SYTL2: variants seen among roughly 807,000 people sequenced by gnomAD.
The protein encoded by SYTL2 is synaptotagmin-like protein 2.
Under a neutral mutation model 198.7 loss-of-function variants are expected in SYTL2, and 165 were observed. That is an observed-to-expected ratio of 0.83 (90% confidence interval 0.73 to 0.94). The LOEUF (loss-of-function observed/expected upper bound fraction) is 0.94. SYTL2 is among the 40% of genes least tolerant of loss of function. The pLI, the probability that SYTL2 is intolerant of heterozygous loss-of-function variation, is 0.00. For synonymous variants in SYTL2, 966 were observed against 917.7 expected (o/e 1.05, Z -0.95); for missense variants, 2,835 against 2,582.8 (o/e 1.10, Z -2.12).
At position 85,694,752 on chromosome 11, in the gene SYTL2, C is replaced by G. The variant is rs1422237477; in HGVS notation, c.*443G>C. 6.6e-6 allele frequency: 1 copy of G among 152,444 alleles called. No homozygotes were observed. The highest frequency in any genetic ancestry group is 2.4e-5 in the African/African-American group (1 of 41,358). The allele number at this position is 152,444 out of a possible 1,614,324, so 9.4% of individuals were successfully genotyped here. Reference sequence around the variant, plus strand: ...TCATCACTGATGTCTGTCTCCATTCCCTGCTCCACTTTGAGTATCTTTCTG... The same window carrying G: ...TCATCACTGATGTCTGTCTCCATTCGCTGCTCCACTTTGAGTATCTTTCTG... On this transcript the variant is annotated 3_prime_UTR_variant, in exon 20 of 20. Coordinates refer to ENST00000359152, the MANE Select transcript of SYTL2 (RefSeq NM_206927.4).
chr11:85,825,366 C>T, the SYTL2 span, among the ~76,000 whole-genome samples: 3 of 126,430 alleles, frequency 2.4e-5, no homozygotes, highest in Non-Finnish European at 3.2e-5. Context: ...CCAGCCTGGG[C>T]GACAGAGCGA....
At chr11:85,728,646 T>G (rs1474283808) in intron 7 of SYTL2, among the ~76,000 whole-genome samples, 1 of 152,120 alleles carries the variant, frequency 6.6e-6, no homozygotes, top group African/African-American at 2.4e-5. Flanking sequence ...AAACTGACAC[T>G]CCAGGAAGAT....
the SYTL2 span, among the ~76,000 whole-genome samples, chr11:85,830,165 C>G: frequency 6.6e-6 from 1 of 152,196 alleles, no homozygotes; most frequent in Non-Finnish European, 1.5e-5. Context: ...TTTTTGAGTA[C>G]CACTCCGGAG....
intron 4 of SYTL2, among the ~76,000 whole-genome samples, chr11:85,745,044 G>A (rs558315948): frequency 1.3e-5 from 2 of 152,250 alleles, no homozygotes; most frequent in African/African-American, 4.8e-5. Context: ...GGCATTTACT[G>A]AGTATCTATC....
chr11:85,776,787 A>G (rs1228653082), intron 1 of SYTL2, among the ~76,000 whole-genome samples: 1 of 152,246 alleles, frequency 6.6e-6, no homozygotes, highest in Non-Finnish European at 1.5e-5. Context: ...GCTGGGTCAA[A>G]TGATATTTCT....
intron 1 of SYTL2, among the ~76,000 whole-genome samples, chr11:85,777,053 T>A (rs897408254): frequency 4.6e-5 from 7 of 152,178 alleles, no homozygotes; most frequent in African/African-American, 1.4e-4. Flanking sequence ...GAAGACAGCA[T>A]AGTACAGCTT....
chr11:85,806,371 C>A (rs2153659111), intron 1 of SYTL2, among the ~76,000 whole-genome samples: 1 of 152,314 alleles, frequency 6.6e-6, no homozygotes, highest in East Asian at 1.9e-4. Flanking sequence ...AAAGTCCTAG[C>A]ACAGGTCCAA....
intron 1 of SYTL2, among the ~76,000 whole-genome samples, chr11:85,781,907 G>A (rs1193519921): frequency 1.3e-5 from 2 of 152,214 alleles, no homozygotes; most frequent in Admixed American, 1.3e-4. Flanking sequence ...GGCATTGAGT[G>A]TCTACAGCTT....
the SYTL2 span, among the ~76,000 whole-genome samples, chr11:85,827,358 T>C: frequency 6.6e-6 from 1 of 152,298 alleles, no homozygotes; most frequent in South Asian, 2.1e-4. Context: ...AGGGATCCCA[T>C]GATGACAAGG....
At chr11:85,700,321 C>CTT (rs10607209) in intron 17 of SYTL2, among the ~76,000 whole-genome samples, 194 bp downstream of exon 17, 43 of 137,862 alleles carry the variant, frequency 3.1e-4, no homozygotes, top group African/African-American at 1.1e-3. Context: ...TTTATGTTTT[C>CTT]TTTTTTTTTT....
chr11:85,832,999 AAAAAAAGAAAG>A, the SYTL2 span, among the ~76,000 whole-genome samples: 1 of 106,202 alleles, frequency 9.4e-6, no homozygotes, highest in South Asian at 2.8e-4. Context: ...CTGTCTCAAA[AAAAAAAGAAAG>A]AAAAGAAAGA....
At chr11:85,705,552 A>AAAAT (rs1179197582) in intron 15 of SYTL2, among the ~76,000 whole-genome samples, 11 of 152,178 alleles carry the variant, frequency 7.2e-5, no homozygotes, top group Non-Finnish European at 8.8e-5. Flanking sequence ...TGAGGTATTT[A>AAAAT]AAATAAATAA....
At chr11:85,737,946 G>A (rs766105876) in intron 4 of SYTL2, among the ~76,000 whole-genome samples, 1 of 152,194 alleles carries the variant, frequency 6.6e-6, no homozygotes, top group Non-Finnish European at 1.5e-5. Context: ...CCTGGGTGGG[G>A]AGAGGAACAA....
chr11:85,775,568 C>T (rs1231552480), intron 1 of SYTL2, among the ~76,000 whole-genome samples: 1 of 152,194 alleles, frequency 6.6e-6, no homozygotes, highest in Non-Finnish European at 1.5e-5. Context: ...CTCCAGCCTC[C>T]ACCTCCTGGG....
chr11:85,849,912 C>T, the SYTL2 span, among the ~76,000 whole-genome samples: 18 of 143,654 alleles, frequency 1.3e-4, no homozygotes, highest in African/African-American at 4.1e-4. Flanking sequence ...ATTCTTCCTA[C>T]CCATGAGCAT....
the SYTL2 span, among the ~76,000 whole-genome samples, chr11:85,842,327 C>A: frequency 6.6e-6 from 1 of 152,184 alleles, no homozygotes; most frequent in African/African-American, 2.4e-5. Flanking sequence ...CATGGTTAGC[C>A]CCTGTAGGCT....
chr11:85,704,903 A>G lies in SYTL2; in HGVS notation c.6144T>C (p.Asp2048=). The change falls in exon 16 of 20, where the codon GAT becomes GAC. Residue 2048 remains aspartate, a synonymous_variant. Transcript: ENST00000359152. ...ATCTCAATTGTTTATTCTGTTTGTTATCCCAGTCCCATGTTTCCAAATCAA... is the reference window on the plus strand; with the variant it reads ...ATCTCAATTGTTTATTCTGTTTGTTGTCCCAGTCCCATGTTTCCAAATCAA... ...VELDLETWDW[D]NKQNKQLRWY... 1.2e-6 allele frequency: 2 copies of G among 1,613,852 alleles called. No individual in the cohort carries two copies. The highest frequency in any genetic ancestry group is 1.1e-5 in the South Asian group (1 of 91,046).
chr11:85,777,021 C>G (rs1458833116), intron 1 of SYTL2, among the ~76,000 whole-genome samples: 2 of 152,128 alleles, frequency 1.3e-5, no homozygotes, highest in African/African-American at 4.8e-5. Context: ...AAGTCACATG[C>G]CAACTCACTG....
chr11:85,816,113 C>T (rs1207479561), upstream of SYTL2, among the ~76,000 whole-genome samples: 4 of 151,938 alleles, frequency 2.6e-5, no homozygotes, highest in Non-Finnish European at 5.9e-5. Flanking sequence ...TGCAGTGAGC[C>T]GAGATCACGC....
Sources: allele counts gnomAD v4.1 joint callset (sites outside exome capture counted in the v4.1 genomes callset), GRCh38; gene constraint gnomAD v4.1.1; transcripts MANE v1.5; gene names NCBI Gene and HGNC (gene_info 2026-07-23, HGNC 2026-07-21).